CSMD1: variants seen among roughly 807,000 people sequenced by gnomAD.
CSMD1 encodes the protein CUB and sushi domain-containing protein 1.
A neutral mutation model predicts 417.5 loss-of-function variants in CSMD1; 213 were observed. The observed-to-expected ratio is 0.51, with a 90% CI of 0.46 to 0.57. The LOEUF (loss-of-function observed/expected upper bound fraction) is 0.57, where lower values mean the gene tolerates loss of function less well. CSMD1 is among the 20% of genes least tolerant of loss of function. CSMD1 has a pLI of 0.00. For synonymous variants in CSMD1, 2,862 were observed against 1,736.8 expected, an observed-to-expected ratio of 1.65 and a Z score of -16.11; for missense variants, 6,923 against 4,529.7, an observed-to-expected ratio of 1.53 and a Z score of -15.17.
At chr8:4,946,199 C>T (rs1045693683) in intron 1 of CSMD1, among the ~76,000 whole-genome samples, 1 of 152,176 alleles carries the variant, frequency 6.6e-6, no homozygotes, top group African/African-American at 2.4e-5. Context: ...TCTGACTCAA[C>T]ATACTTAATT....
At chr8:4,853,169 T>G (rs1801585296) in intron 1 of CSMD1, among the ~76,000 whole-genome samples, 1 of 152,196 alleles carries the variant, frequency 6.6e-6, no homozygotes, top group South Asian at 2.1e-4. Flanking sequence ...GAGATTTGCA[T>G]GACTAAAAGG....
At chr8:4,892,453 G>A (rs6986598) in intron 1 of CSMD1, among the ~76,000 whole-genome samples, 151,449 of 152,164 alleles carry the variant, frequency 1, 75,378 homozygotes, top group East Asian at 1. Context: ...AAAAAAATAG[G>A]TTCATGTCTT....
intron 3 of CSMD1, among the ~76,000 whole-genome samples, chr8:4,158,892 C>G (rs750685371): frequency 1.3e-5 from 2 of 152,134 alleles, no homozygotes; most frequent in Non-Finnish European, 2.9e-5. Flanking sequence ...CTGTTTCCAG[C>G]TGAAAAGAAA....
intron 3 of CSMD1, among the ~76,000 whole-genome samples, chr8:4,314,771 AT>A (rs1798824284): frequency 6.6e-6 from 1 of 152,206 alleles, no homozygotes; most frequent in Admixed American, 6.5e-5. Flanking sequence ...CTAATGATTT[AT>A]CCTCAGAAAA....
chr8:3,012,053 G>C (rs892622658), intron 52 of CSMD1, among the ~76,000 whole-genome samples: 1 of 152,150 alleles, frequency 6.6e-6, no homozygotes, highest in Non-Finnish European at 1.5e-5. Flanking sequence ...GCAGGTCCTT[G>C]GCAATTTACA....
At chr8:2,958,540 T>G (rs937308567) in intron 62 of CSMD1, among the ~76,000 whole-genome samples, 1 of 152,212 alleles carries the variant, frequency 6.6e-6, no homozygotes, top group Non-Finnish European at 1.5e-5. Flanking sequence ...CTGTGATCTG[T>G]AAATGTCTTT....
At chr8:4,835,740 G>A (rs1800438688) in intron 1 of CSMD1, among the ~76,000 whole-genome samples, 1 of 151,586 alleles carries the variant, frequency 6.6e-6, no homozygotes, top group Non-Finnish European at 1.5e-5. Flanking sequence ...ATCTCTCTCA[G>A]GTGGTAGACA....
At chr8:3,035,283 A>G (rs1461563730) in intron 50 of CSMD1, among the ~76,000 whole-genome samples, 3 of 152,078 alleles carry the variant, frequency 2.0e-5, no homozygotes, top group African/African-American at 7.2e-5. Context: ...CTCTTTTCAC[A>G]TTGTGTATGT....
At chr8:3,739,950 G>A (rs770771753) in intron 6 of CSMD1, among the ~76,000 whole-genome samples, 3 of 152,154 alleles carry the variant, frequency 2.0e-5, no homozygotes, top group South Asian at 2.1e-4. Context: ...AGAAACTAAT[G>A]CCAGAGTTCG....
At chr8:3,252,289 C>G (rs1313115648) in intron 26 of CSMD1, among the ~76,000 whole-genome samples, 1 of 152,188 alleles carries the variant, frequency 6.6e-6, no homozygotes, top group Non-Finnish European at 1.5e-5. Flanking sequence ...TGAATTTTGT[C>G]AAAGGCCATT....
intron 2 of CSMD1, among the ~76,000 whole-genome samples, chr8:4,437,659 G>C (rs6558883): frequency 6.6e-6 from 1 of 152,036 alleles, no homozygotes; most frequent in Non-Finnish European, 1.5e-5. Context: ...AAAGGAGTTC[G>C]TAGAGTTTAA....
At chr8:2,943,795 T>G (rs779174740) in intron 68 of CSMD1, among the ~76,000 whole-genome samples, 1 of 152,244 alleles carries the variant, frequency 6.6e-6, no homozygotes, top group Non-Finnish European at 1.5e-5. Context: ...CAATGAATCA[T>G]GATTGGCGTC....
At chr8:4,191,850 T>A (rs1221542116) in intron 3 of CSMD1, among the ~76,000 whole-genome samples, 1 of 151,738 alleles carries the variant, frequency 6.6e-6, no homozygotes, top group Admixed American at 6.6e-5. Context: ...AAATCAACAG[T>A]CAGTTTCCAG....
chr8:4,181,386 A>C (rs906151086), intron 3 of CSMD1, among the ~76,000 whole-genome samples: 5 of 151,448 alleles, frequency 3.3e-5, no homozygotes, highest in Non-Finnish European at 7.4e-5. Flanking sequence ...TTGAATGCTT[A>C]AACTATAAGG....
rs749942239 is a variant in CSMD1, at chr8:3,575,079, A to G, written c.1223-13T>C. The G allele has an allele frequency of 6.2e-7, 1 of 1,611,776 alleles. No individual in the cohort carries two copies. The highest frequency in any genetic ancestry group is 1.1e-5 in the South Asian group (1 of 90,820). On this transcript the variant is annotated splice_polypyrimidine_tract_variant and intron_variant, in intron 9 of 69. Coordinates refer to ENST00000635120, the MANE Select transcript of CSMD1 (RefSeq NM_033225.6). ...CCACATGTTCTCGCTGGAAACACAT[A>G]GAAACGACGTTATTTTCTACAACAT...
At chr8:3,956,202 A>G (rs190406072) in intron 5 of CSMD1, among the ~76,000 whole-genome samples, 334 of 152,346 alleles carry the variant, frequency 2.2e-3, no homozygotes, top group African/African-American at 7.7e-3. Flanking sequence ...CCATAACTAA[A>G]TGTAGATAGC....
intron 2 of CSMD1, among the ~76,000 whole-genome samples, chr8:4,454,971 G>A (rs577339440): frequency 6.6e-6 from 1 of 152,120 alleles, no homozygotes; most frequent in Non-Finnish European, 1.5e-5. Context: ...TCATGGACCT[G>A]GGATGGCAGA....
intron 21 of CSMD1, among the ~76,000 whole-genome samples, chr8:3,358,008 G>A (rs1256681593): frequency 6.6e-6 from 1 of 152,148 alleles, no homozygotes; most frequent in African/African-American, 2.4e-5. Context: ...TATCATTTGA[G>A]TTACATAATA....
At chr8:4,454,276 T>C (rs927059539) in intron 2 of CSMD1, among the ~76,000 whole-genome samples, 1 of 152,154 alleles carries the variant, frequency 6.6e-6, no homozygotes, top group Admixed American at 6.5e-5. Context: ...CTAACTGGAC[T>C]CCTGACTTCG....
Sources: gnomAD v4.1 joint callset for allele counts (sites outside exome capture counted in the v4.1 genomes callset) on GRCh38, gnomAD v4.1.1 for gene constraint, MANE v1.5 for transcripts, NCBI Gene and HGNC (gene_info 2026-07-23, HGNC 2026-07-21) for gene names.